The following IL1RL1 variants were observed in gnomAD, a reference collection of about 807,000 sequenced individuals.
The protein encoded by IL1RL1 is interleukin-1 receptor-like 1.
A neutral mutation model predicts 50.9 loss-of-function variants in IL1RL1; 32 were observed. The ratio of observed to expected loss-of-function variants is 0.63; its 90% CI spans 0.47 to 0.84. The LOEUF is 0.84. Among genes scored for constraint, IL1RL1 ranks in the 40% least tolerant of loss-of-function variants. IL1RL1 has a pLI of 0.00. For synonymous variants in IL1RL1, 275 were observed against 236.0 expected, an observed-to-expected ratio of 1.17 and a Z score of -1.51; for missense variants, 773 against 662.9, an observed-to-expected ratio of 1.17 and a Z score of -1.82.
intron 1 of IL1RL1, among the ~76,000 whole-genome samples, chr2:102,324,013 CTT>C (rs33934744): frequency 8.0e-5 from 11 of 138,188 alleles, no homozygotes; most frequent in East Asian, 2.1e-4. Flanking sequence ...ATCAGTAGTT[CTT>C]TTTTTTTTTT....
chr2:102,321,964 C>T (rs193233617), intron 1 of IL1RL1, among the ~76,000 whole-genome samples: 2 of 152,310 alleles, frequency 1.3e-5, no homozygotes, highest in South Asian at 2.1e-4. Flanking sequence ...TCTTAGAATT[C>T]TCCAGAGAGA....
intron 1 of IL1RL1, among the ~76,000 whole-genome samples, chr2:102,322,030 A>G (rs185452774): frequency 2.0e-5 from 3 of 152,264 alleles, no homozygotes; most frequent in Non-Finnish European, 2.9e-5. Flanking sequence ...TAATCTATCT[A>G]TACTCTCTCT....
intron 1 of IL1RL1, chr2:102,313,116 G>C (rs1051137614): frequency 6.6e-6 from 1 of 152,118 alleles, no homozygotes; most frequent in Non-Finnish European, 1.5e-5. Flanking sequence ...CTTACTTGTT[G>C]CATGACCTTA....
intron 1 of IL1RL1, among the ~76,000 whole-genome samples, chr2:102,331,739 T>A (rs1382719868): frequency 6.6e-6 from 1 of 152,194 alleles, no homozygotes; most frequent in African/African-American, 2.4e-5. Flanking sequence ...AATCCCAAAT[T>A]CCATCCCTTG....
intron 1 of IL1RL1, among the ~76,000 whole-genome samples, chr2:102,322,125 A>G (rs965038247): frequency 1.3e-5 from 2 of 152,214 alleles, no homozygotes; most frequent in Non-Finnish European, 2.9e-5. Flanking sequence ...GGAAATTCAG[A>G]TAAGAGTTGG....
At chr2:102,329,048 A>G (rs1046248817) in intron 1 of IL1RL1, among the ~76,000 whole-genome samples, 16 of 152,216 alleles carry the variant, frequency 1.1e-4, no homozygotes, top group South Asian at 2.1e-4. Flanking sequence ...CTAAGTCAAA[A>G]GAACAAAGCT....
At chr2:102,347,779 G>A (rs913656426) in intron 8 of IL1RL1, among the ~76,000 whole-genome samples, 166 bp from the exon 9 acceptor site, 2 of 152,142 alleles carry the variant, frequency 1.3e-5, no homozygotes, top group Non-Finnish European at 2.9e-5. Context: ...GTGTTGTAGA[G>A]GCTCAATAAA....
rs775742388 is a variant in IL1RL1, at chr2:102,351,933, A to G, written c.*12A>G. 5 of 1,595,610 alleles carry G rather than the reference A, an allele frequency of 3.1e-6. 1 individual carries two copies. The highest frequency in any genetic ancestry group is 3.4e-6 in the Non-Finnish European group (4 of 1,171,624). ...CCCAGAAGCAATAGTGCCTGCTGTGATGTGCAAAGGCATCTGAGTTTGAAG... is the reference window on the plus strand; with the variant it reads ...CCCAGAAGCAATAGTGCCTGCTGTGGTGTGCAAAGGCATCTGAGTTTGAAG... On this transcript the variant is annotated 3_prime_UTR_variant, in exon 11 of 11. Transcript: ENST00000233954.
At chr2:102,325,211 C>T (rs989848359) in intron 1 of IL1RL1, among the ~76,000 whole-genome samples, 1 of 152,228 alleles carries the variant, frequency 6.6e-6, no homozygotes, top group African/African-American at 2.4e-5. Flanking sequence ...CGCTGTTCTG[C>T]AGCCTCTGCT....
chr2:102,323,879 C>T (rs554067275), intron 1 of IL1RL1, among the ~76,000 whole-genome samples: 1 of 152,144 alleles, frequency 6.6e-6, no homozygotes, highest in Non-Finnish European at 1.5e-5. Context: ...AATTGCTACC[C>T]TTCATCTTCC....
intron 1 of IL1RL1, among the ~76,000 whole-genome samples, chr2:102,311,944 TTA>T (rs1491200594): frequency 1.8e-4 from 6 of 33,412 alleles, no homozygotes; most frequent in African/African-American, 2.5e-4. Context: ...ATATATAATA[TTA>T]TATATAATAT....
intron 8 of IL1RL1, among the ~76,000 whole-genome samples, chr2:102,346,612 A>T (rs6543119): frequency 0.36 from 55,263 of 152,010 alleles, 10,215 homozygotes; most frequent in Middle Eastern, 0.54. Flanking sequence ...CCAGCTGGGG[A>T]TTTTAGAGAG....
chr2:102,335,245 A>G (rs2104979158), intron 1 of IL1RL1, among the ~76,000 whole-genome samples: 1 of 152,316 alleles, frequency 6.6e-6, no homozygotes, highest in Admixed American at 6.5e-5. Flanking sequence ...GAATAGTGAG[A>G]AGCCAAAATA....
intron 1 of IL1RL1, among the ~76,000 whole-genome samples, chr2:102,335,618 T>C (rs914981883): frequency 1.3e-5 from 2 of 152,228 alleles, no homozygotes; most frequent in African/African-American, 4.8e-5. Context: ...CTTTAATAAA[T>C]ACTCCTGCAG....
At chr2:102,343,830 G>A in intron 8 of IL1RL1, 1 of 1,019,120 alleles carries the variant, frequency 9.8e-7, no homozygotes, top group Admixed American at 5.1e-5. Context: ...CCTTTTTCTG[G>A]TCATAATGAA....
chr2:102,338,079 A>G, intron 1 of IL1RL1, 37 bp from the exon 2 acceptor site: 1 of 410,180 alleles, frequency 2.4e-6, no homozygotes, highest in South Asian at 6.9e-5. Context: ...TGGCTGATAA[A>G]AATTCTGTTT....
chr2:102,332,194 C>T (rs962350400), intron 1 of IL1RL1, among the ~76,000 whole-genome samples: 5 of 152,058 alleles, frequency 3.3e-5, no homozygotes, highest in Non-Finnish European at 5.9e-5. Context: ...AGGTCATATT[C>T]CAATGGATAA....
At chr2:102,326,283 T>A (rs955805992) in intron 1 of IL1RL1, among the ~76,000 whole-genome samples, 16 of 152,094 alleles carry the variant, frequency 1.1e-4, no homozygotes, top group Non-Finnish European at 1.5e-4. Flanking sequence ...AATAAAATAC[T>A]TTACAGACAA....
intron 1 of IL1RL1, among the ~76,000 whole-genome samples, chr2:102,323,269 ATATAGTGTGTGT>A (rs1357801744): frequency 1.7e-3 from 64 of 38,492 alleles, no homozygotes; most frequent in East Asian, 0.013. Flanking sequence ...ATATATATAT[ATATAGTGTGTGT>A]GTGTGTGTGT....
Sources: allele counts gnomAD v4.1 joint callset (sites outside exome capture counted in the v4.1 genomes callset), GRCh38; gene constraint gnomAD v4.1.1; transcripts MANE v1.5; gene names NCBI Gene and HGNC (gene_info 2026-07-23, HGNC 2026-07-21).